Variants in TENM3 observed in about 807,000 individuals in gnomAD.
The protein encoded by TENM3 is teneurin transmembrane protein 3.
A neutral mutation model predicts 255.1 loss-of-function variants in TENM3; 63 were observed. That is an observed-to-expected ratio of 0.25 (90% CI 0.20 to 0.30). The LOEUF is 0.30. TENM3 is among the 10% of genes least tolerant of loss of function. The pLI is 1.00. For missense variants in TENM3, 2,929 were observed against 3,461.1 expected, an observed-to-expected ratio of 0.85 and a Z score of 3.86; for synonymous variants, 1,306 against 1,322.3, an observed-to-expected ratio of 0.99 and a Z score of 0.27.
rs561724248 is a variant in TENM3, at chr4:182,620,379, G to C, written c.750-8272G>C. ...ATTAATCACAATATGCACTTTGGCA[G>C]TGTTTGATATAGTGCAATGAAAGAG... On this transcript the variant is annotated intron_variant, in intron 4 of 27. Coordinates refer to ENST00000511685, the MANE Select transcript of TENM3 (RefSeq NM_001080477.4). Among the ~76,000 whole-genome samples, 5 of 152,318 alleles carry C rather than the reference G, an allele frequency of 3.3e-5. No individual in the cohort carries two copies. The East Asian group carries it at 9.6e-4, about 29-fold the overall frequency.
the TENM3 span, among the ~76,000 whole-genome samples, chr4:181,800,984 A>G: frequency 6.6e-6 from 1 of 152,226 alleles, no homozygotes; most frequent in Non-Finnish European, 1.5e-5. Flanking sequence ...CAAAGAAAAA[A>G]TAACAGCAAG....
chr4:182,619,390 T>C (rs1749878667), intron 4 of TENM3, among the ~76,000 whole-genome samples: 1 of 151,250 alleles, frequency 6.6e-6, no homozygotes, highest in Non-Finnish European at 1.5e-5. Context: ...GAGATCACGC[T>C]ACTGCACTCC....
At chr4:182,143,381 T>G (rs1051717101), upstream of TENM3, 23 of 166,824 alleles carry the variant, frequency 1.4e-4, no homozygotes. The surrounding 1 kb of genome is among the most constrained non-coding windows in gnomAD (Gnocchi z 4.3). Flanking sequence ...GAAAGAACAC[T>G]GTGGAAAGGA....
At chr4:181,627,111 A>G in the TENM3 span, among the ~76,000 whole-genome samples, 3 of 152,180 alleles carry the variant, frequency 2.0e-5, no homozygotes, top group Non-Finnish European at 2.9e-5. Context: ...ACATTTTCTA[A>G]GGAGAGCCCA....
chr4:182,257,876 G>A (rs972343084), intron 1 of TENM3, among the ~76,000 whole-genome samples: 19 of 152,162 alleles, frequency 1.2e-4, no homozygotes, highest in African/African-American at 4.1e-4. Flanking sequence ...AGTGGAAAAA[G>A]AACAAGAATT....
the TENM3 span, among the ~76,000 whole-genome samples, chr4:182,127,357 C>T: frequency 2.6e-5 from 4 of 152,014 alleles, no homozygotes; most frequent in South Asian, 2.1e-4. Flanking sequence ...GGCAAGGTTA[C>T]GATTGTTTGT....
At position 182,346,934 on chromosome 4, in the gene TENM3, G is replaced by C; in HGVS notation, c.511+5G>C. 3.2e-6 allele frequency: 5 copies of C among 1,583,132 alleles called. No individual in the cohort carries two copies. Among genetic ancestry groups the C allele is most frequent in the Non-Finnish European group, 4.3e-6 (5 of 1,161,210 alleles). ...ACAAGTCCGACAGTGAGAATGGTAA[G>C]TTTCCTTTTTGGCTTTATAATGTTG... On this transcript the variant is annotated splice_donor_5th_base_variant and intron_variant, in intron 3 of 27. Coordinates refer to ENST00000511685, the MANE Select transcript of TENM3 (RefSeq NM_001080477.4).
chr4:182,397,838 G>T (rs890171722), intron 3 of TENM3, among the ~76,000 whole-genome samples: 1 of 152,090 alleles, frequency 6.6e-6, no homozygotes, highest in Non-Finnish European at 1.5e-5. Context: ...CTGGTCTGGG[G>T]ACCATACTAT....
At chr4:182,150,584 A>G (rs764141804) in intron 1 of TENM3, among the ~76,000 whole-genome samples, 10 of 152,042 alleles carry the variant, frequency 6.6e-5, no homozygotes, top group Admixed American at 2.6e-4. Flanking sequence ...TGCTTTGTTT[A>G]TAAGACTGAA....
chr4:182,361,937 A>G (rs1766025531), intron 3 of TENM3, among the ~76,000 whole-genome samples: 1 of 152,212 alleles, frequency 6.6e-6, no homozygotes, highest in Non-Finnish European at 1.5e-5. Flanking sequence ...CTTCTGACAG[A>G]CAGGACCCTC....
the TENM3 span, among the ~76,000 whole-genome samples, chr4:181,454,075 C>T: frequency 6.6e-6 from 1 of 152,086 alleles, no homozygotes; most frequent in African/African-American, 2.4e-5. Context: ...GCTGACATTA[C>T]CTGTTGCATA....
intron 1 of TENM3, among the ~76,000 whole-genome samples, chr4:182,225,126 C>T (rs191557148): frequency 8.2e-4 from 125 of 152,176 alleles, no homozygotes; most frequent in Middle Eastern, 3.4e-3. Context: ...TGAAAATACT[C>T]GTCTGATAGG....
chr4:182,291,697 A>G (rs886349161), intron 1 of TENM3, among the ~76,000 whole-genome samples: 6 of 152,178 alleles, frequency 3.9e-5, no homozygotes, highest in African/African-American at 1.4e-4. Context: ...TTGACTTCCG[A>G]GTATGCATGC....
chr4:181,809,403 C>T, the TENM3 span, among the ~76,000 whole-genome samples: 2 of 152,210 alleles, frequency 1.3e-5, no homozygotes, highest in African/African-American at 4.8e-5. Context: ...CCAATAAGTG[C>T]TTACATATAA....
intron 3 of TENM3, among the ~76,000 whole-genome samples, chr4:182,581,587 A>T (rs1054116045): frequency 2.6e-5 from 4 of 152,108 alleles, no homozygotes; most frequent in Non-Finnish European, 4.4e-5. Flanking sequence ...AAACACAATA[A>T]TTAGGCAGGC....
At chr4:181,644,387 G>T in the TENM3 span, among the ~76,000 whole-genome samples, 6 of 151,174 alleles carry the variant, frequency 4.0e-5, no homozygotes, top group Non-Finnish European at 8.8e-5. Flanking sequence ...CACATTGCCA[G>T]GTCTCTAAAC....
chr4:182,678,787 G>A (rs890324705), intron 7 of TENM3, among the ~76,000 whole-genome samples: 3 of 152,176 alleles, frequency 2.0e-5, no homozygotes, highest in Non-Finnish European at 4.4e-5. Flanking sequence ...TTATCTTGTG[G>A]TCTAACTAAA....
At position 182,681,864 on chromosome 4, in the gene TENM3, G is replaced by T; in HGVS notation, c.1885G>T (p.Glu629Ter). 6.2e-7 allele frequency: 1 copy of T among 1,613,868 alleles called. No individual in the cohort carries two copies. The highest frequency in any genetic ancestry group is 2.2e-5 in the East Asian group (1 of 44,878). The change falls in exon 11 of 28, where the codon GAA becomes TAA. Residue 629 changes from glutamate to a stop codon, truncating the protein, a stop_gained. Coordinates refer to ENST00000511685, the MANE Select transcript of TENM3 (RefSeq NM_001080477.4). LOFTEE classifies it high-confidence loss of function. ...TAATCATGGTGTGTGTATCCACGGG[G>T]AATGTCACTGCAGTCCAGGATGGGG... ...CSNHGVCIHGECHCSPGWGGS... is the reference protein window; with the variant it reads ...CSNHGVCIHG
chr4:181,448,260 G>A, the TENM3 span, among the ~76,000 whole-genome samples: 2 of 138,546 alleles, frequency 1.4e-5, no homozygotes, highest in Non-Finnish European at 3.1e-5. Flanking sequence ...TCCGCCTCCC[G>A]GGTTCACGCC....
Sources: gnomAD v4.1 joint callset for allele counts (sites outside exome capture counted in the v4.1 genomes callset) on GRCh38, gnomAD v4.1.1 for gene constraint, Gnocchi (gnomAD v3.1) non-coding constraint, MANE v1.5 for transcripts, NCBI Gene and HGNC (gene_info 2026-07-23, HGNC 2026-07-21) for gene names.